The following ZNF718 variants were observed in gnomAD, a reference collection of about 807,000 sequenced individuals.
The protein encoded by ZNF718 is zinc finger protein 718.
Under a neutral mutation model 2.6 loss-of-function variants are expected in ZNF718, and 3 were observed. The observed-to-expected ratio is 1.16, with a 90% CI of 0.53 to 3.01. The LOEUF (loss-of-function observed/expected upper bound fraction) is 3.01. Ranked by LOEUF, ZNF718 falls within the 30% of genes most tolerant of loss-of-function variation. The pLI, the probability that ZNF718 is intolerant of heterozygous loss-of-function variation, is 0.03. For synonymous variants in ZNF718, 135 were observed against 77.9 expected (o/e 1.73, Z -3.86); for missense variants, 468 against 230.0 (o/e 2.03, Z -6.69).
At chr4:194,234 G>T (rs1717748999) in intron 3 of ZNF718, among the ~76,000 whole-genome samples, 1 of 152,162 alleles carries the variant, frequency 6.6e-6, no homozygotes, top group Non-Finnish European at 1.5e-5. Flanking sequence ...AAGATAGTTG[G>T]CCCTCAATAG....
At chr4:138,642 C>T (rs1396422860) in intron 3 of ZNF718, among the ~76,000 whole-genome samples, 1 of 152,078 alleles carries the variant, frequency 6.6e-6, no homozygotes, top group Non-Finnish European at 1.5e-5. Flanking sequence ...TATGTACATA[C>T]CTAGCAATGG....
At position 163,351 on chromosome 4, in the gene ZNF718, G is replaced by C; in HGVS notation, c.*1229G>C. 6.6e-6 allele frequency: 1 copy of C among 152,036 alleles called. No individual in the cohort carries two copies. Among genetic ancestry groups the C allele is most frequent in the Non-Finnish European group, 1.5e-5 (1 of 68,002 alleles). 9.4% of individuals were successfully genotyped at this position (152,036 alleles called of 1,614,324 possible). A position where few individuals can be genotyped will look rare whatever the true frequency, so the allele number is the denominator to read the frequency against. On this transcript the variant is annotated 3_prime_UTR_variant, in exon 4 of 4. Coordinates refer to ENST00000510175, the MANE Select transcript of ZNF718 (RefSeq NM_001039127.6). ...CTACAGGCGCCCGCCACTACGCCCG[G>C]CTAATTTTTTGTATTTTTAGTAGAG... is the stretch of plus-strand genomic sequence containing the variant.
chr4:157,672 C>G (rs553480143), intron 3 of ZNF718, among the ~76,000 whole-genome samples: 2 of 152,084 alleles, frequency 1.3e-5, no homozygotes, highest in South Asian at 2.1e-4. Context: ...TTATTCTACT[C>G]TCTTTCCAGT....
chr4:133,195 A>AAAAAATAT (rs1258303094), intron 3 of ZNF718, among the ~76,000 whole-genome samples: 3 of 20,774 alleles, frequency 1.4e-4, no homozygotes, highest in Non-Finnish European at 2.6e-4. Flanking sequence ...AAAAAAAAAA[A>AAAAAATAT]ATATATATAT....
intron 3 of ZNF718, among the ~76,000 whole-genome samples, chr4:139,183 C>G (rs1470223608): frequency 1.3e-5 from 2 of 152,150 alleles, no homozygotes; most frequent in Non-Finnish European, 2.9e-5. Context: ...GGGTATTACT[C>G]AAGACATCTT....
At chr4:186,789 A>C (rs189281843) in intron 3 of ZNF718, among the ~76,000 whole-genome samples, 4 of 152,264 alleles carry the variant, frequency 2.6e-5, no homozygotes, top group Non-Finnish European at 4.4e-5. Flanking sequence ...TATACTGGCT[A>C]TTTTGGCTGT....
intron 3 of ZNF718, among the ~76,000 whole-genome samples, chr4:141,049 C>T (rs1715788846): frequency 6.6e-6 from 1 of 152,164 alleles, no homozygotes; most frequent in African/African-American, 2.4e-5. Context: ...GAAGTCTCTT[C>T]TAAAGTTGCG....
chr4:138,085 A>G (rs1483062584), intron 3 of ZNF718, among the ~76,000 whole-genome samples: 1 of 152,242 alleles, frequency 6.6e-6, no homozygotes, highest in African/African-American at 2.4e-5. Context: ...CATAAAAATC[A>G]TATCAGGGTA....
intron 3 of ZNF718, among the ~76,000 whole-genome samples, chr4:192,816 AG>A (rs1283933570): frequency 6.6e-6 from 1 of 152,194 alleles, no homozygotes; most frequent in Non-Finnish European, 1.5e-5. Context: ...AAACTTAACA[AG>A]GGGGTTAAAG....
At chr4:178,903 G>A (rs1717400980) in intron 3 of ZNF718, among the ~76,000 whole-genome samples, 1 of 152,102 alleles carries the variant, frequency 6.6e-6, no homozygotes, top group African/African-American at 2.4e-5. Context: ...GTTTGATATA[G>A]TACCATTTTT....
At chr4:179,229 C>G (rs1442140144) in intron 3 of ZNF718, among the ~76,000 whole-genome samples, 5 of 152,136 alleles carry the variant, frequency 3.3e-5, no homozygotes, top group African/African-American at 1.2e-4. Flanking sequence ...GTTCTCTGTT[C>G]TGTTCCATCA....
intron 3 of ZNF718, among the ~76,000 whole-genome samples, chr4:172,458 G>A (rs1230418171): frequency 1.3e-5 from 2 of 152,052 alleles, no homozygotes; most frequent in Non-Finnish European, 2.9e-5. Flanking sequence ...ATTAATCATA[G>A]CTAATTTGTG....
intron 1 of ZNF718, chr4:125,282 GC>G (rs1318536991): frequency 7.2e-5 from 11 of 153,166 alleles, no homozygotes; most frequent in African/African-American, 2.4e-4. Context: ...TGCGCACAGC[GC>G]TTCTCTTAGT....
At chr4:154,185 C>G (rs375448859) in intron 3 of ZNF718, among the ~76,000 whole-genome samples, 1 of 152,158 alleles carries the variant, frequency 6.6e-6, no homozygotes, top group East Asian at 1.9e-4. Context: ...TGAGGCCTCC[C>G]CAGCCACATG....
In ZNF718 at chr4:139,733, A is replaced by G. The variant is rs1002180891; in HGVS notation, c.226+8228A>G. On this transcript the variant is annotated intron_variant, in intron 3 of 3. Transcript: ENST00000510175. ...TTTTGGCCAGCCAGGAGGAAGAAGT[A>G]AGCCCAAAGTTTGGGATTCATTTTT... 7.9e-5 allele frequency among the ~76,000 whole-genome samples: 12 copies of G among 152,236 alleles called. 1 individual carries two copies. The highest frequency in any genetic ancestry group is 2.9e-4 in the African/African-American group (12 of 41,460).
At chr4:159,597 T>C (rs1458631900) in intron 3 of ZNF718, among the ~76,000 whole-genome samples, 1 of 152,154 alleles carries the variant, frequency 6.6e-6, no homozygotes, top group African/African-American at 2.4e-5. Context: ...TTTTTACTTT[T>C]GAAAATGTCT....
intron 3 of ZNF718, among the ~76,000 whole-genome samples, chr4:157,063 T>C (rs1716598634): frequency 6.7e-6 from 1 of 150,146 alleles, no homozygotes; most frequent in Non-Finnish European, 1.5e-5. Flanking sequence ...CCTCCAACAT[T>C]GTTGTTTTTC....
chr4:191,767 C>T (rs782695063), intron 3 of ZNF718, among the ~76,000 whole-genome samples: 27 of 152,088 alleles, frequency 1.8e-4, no homozygotes, highest in East Asian at 5.8e-4. Context: ...AACAGCGTTA[C>T]GGGTGGGTCT....
chr4:138,530 T>A (rs1715674274), intron 3 of ZNF718, among the ~76,000 whole-genome samples: 2 of 152,236 alleles, frequency 1.3e-5, no homozygotes, highest in Non-Finnish European at 2.9e-5. Context: ...TCCATTCATG[T>A]AAGGGACACT....
Sources: allele counts gnomAD v4.1 joint callset (sites outside exome capture counted in the v4.1 genomes callset), GRCh38; gene constraint gnomAD v4.1.1; transcripts MANE v1.5; gene names NCBI Gene and HGNC (gene_info 2026-07-23, HGNC 2026-07-21).